RELN: variants seen among roughly 807,000 people sequenced by gnomAD.
RELN encodes reelin.
RELN carries 108 observed loss-of-function variants against 427.6 expected under a neutral mutation model. The observed-to-expected ratio is 0.25, with a 90% CI of 0.22 to 0.30. The LOEUF (loss-of-function observed/expected upper bound fraction) is 0.30, where lower values mean the gene tolerates loss of function less well. RELN is among the 10% of genes least tolerant of loss of function. The probability of loss-of-function intolerance (pLI) is 1.00; values close to 1 mark genes in which losing one functional copy is unlikely to be tolerated. For missense variants in RELN, 3,715 were observed against 4,302.8 expected (o/e 0.86, Z 3.82); for synonymous variants, 1,524 against 1,513.4 (o/e 1.01, Z -0.16).
intron 2 of RELN, among the ~76,000 whole-genome samples, chr7:103,877,923 T>G (rs150916801): frequency 6.7e-6 from 1 of 150,020 alleles, no homozygotes; most frequent in African/African-American, 2.5e-5. Context: ...TGGTACAATC[T>G]TGGCTCACTG....
intron 2 of RELN, among the ~76,000 whole-genome samples, chr7:103,906,014 T>C (rs1432577159): frequency 6.6e-6 from 1 of 152,126 alleles, no homozygotes; most frequent in Non-Finnish European, 1.5e-5. Context: ...AGTAGACGTT[T>C]AAAAGAGCTG....
chr7:103,679,804 A>G (rs1454695920), intron 11 of RELN, among the ~76,000 whole-genome samples: 1 of 152,140 alleles, frequency 6.6e-6, no homozygotes, highest in Non-Finnish European at 1.5e-5. Flanking sequence ...ATTGGAATAT[A>G]TAATTTTTGC....
At chr7:103,608,951 G>A (rs1250002929) in intron 22 of RELN, among the ~76,000 whole-genome samples, 3 of 152,080 alleles carry the variant, frequency 2.0e-5, no homozygotes, top group Admixed American at 6.5e-5. Context: ...GGCTAGGCGC[G>A]GTGGGTCATG....
At chr7:103,539,710 T>G (rs1357600410) in intron 44 of RELN, among the ~76,000 whole-genome samples, 2 of 152,230 alleles carry the variant, frequency 1.3e-5, no homozygotes, top group African/African-American at 4.8e-5. Flanking sequence ...TTGCATGAAC[T>G]CTACGGTTTG....
chr7:103,833,157 A>G lies in RELN; in HGVS notation c.473+380T>C, dbSNP rs192713651. Among the ~76,000 whole-genome samples, 702 of 152,210 alleles carry G rather than the reference A, an allele frequency of 4.6e-3. 6 individuals carry two copies. The highest frequency in any genetic ancestry group is 0.016 in the African/African-American group (676 of 41,540). ...TTAGCAATTTTGAGATATGCAATAC[A>G]TTAACTATAGTCACCATGCTGTGCA... On this transcript the variant is annotated intron_variant, in intron 3 of 64. Coordinates refer to ENST00000428762, the MANE Select transcript of RELN (RefSeq NM_005045.4).
chr7:103,514,964 T>C (rs1253998397), intron 50 of RELN, among the ~76,000 whole-genome samples: 1 of 152,076 alleles, frequency 6.6e-6, no homozygotes, highest in African/African-American at 2.4e-5. Flanking sequence ...AATTATAGAT[T>C]GCTATATATA....
chr7:103,770,785 A>T (rs1234828206), intron 4 of RELN, among the ~76,000 whole-genome samples: 1 of 152,028 alleles, frequency 6.6e-6, no homozygotes, highest in Non-Finnish European at 1.5e-5. Flanking sequence ...ATGTCACAGT[A>T]ATCTGTCTTC....
chr7:103,867,803 G>T (rs916414650), intron 2 of RELN, among the ~76,000 whole-genome samples: 1 of 151,834 alleles, frequency 6.6e-6, no homozygotes, highest in Admixed American at 6.6e-5. Flanking sequence ...TTACAGAATA[G>T]TAAGAGAGAA....
At chr7:103,982,003 G>C (rs546420356) in intron 1 of RELN, among the ~76,000 whole-genome samples, 17 of 152,122 alleles carry the variant, frequency 1.1e-4, no homozygotes, top group African/African-American at 3.9e-4. Context: ...CCTGTCTCTA[G>C]TAAAAACACA....
At chr7:103,579,900 T>C (rs1248457619) in intron 28 of RELN, among the ~76,000 whole-genome samples, 1 of 152,190 alleles carries the variant, frequency 6.6e-6, no homozygotes. Flanking sequence ...AAGCAACTTT[T>C]TTCTAGTCCT....
intron 2 of RELN, among the ~76,000 whole-genome samples, chr7:103,838,515 T>C (rs1356644599): frequency 6.6e-6 from 1 of 152,114 alleles, no homozygotes; most frequent in Non-Finnish European, 1.5e-5. Context: ...AATCACAAGG[T>C]TGGGGAGAAT....
intron 1 of RELN, among the ~76,000 whole-genome samples, chr7:103,975,579 G>A (rs910556909): frequency 9.5e-5 from 14 of 146,672 alleles, no homozygotes; most frequent in Admixed American, 6.8e-5. Context: ...ACGGAGTCTC[G>A]CTCTGTCGCC....
At chr7:103,880,405 A>C (rs1343307321) in intron 2 of RELN, among the ~76,000 whole-genome samples, 2 of 152,166 alleles carry the variant, frequency 1.3e-5, no homozygotes, top group Non-Finnish European at 2.9e-5. Flanking sequence ...ACCATTATAA[A>C]GCTGCTATTT....
Position 103,500,942 on chromosome 7 carries a change from A to G in RELN, c.8490-20T>C, listed in dbSNP as rs1446245503. The G allele has an allele frequency of 1.2e-6, 2 of 1,613,226 alleles. No individual in the cohort carries two copies. The highest frequency in any genetic ancestry group is 8.5e-7 in the Non-Finnish European group (1 of 1,179,346). On this transcript the variant is annotated intron_variant, in intron 52 of 64. Transcript: ENST00000428762. ...ACCGGACTATTGACAATGCAAAAGC[A>G]AAGGAGTGAAAAACAAAAGTTAACT...
intron 9 of RELN, among the ~76,000 whole-genome samples, chr7:103,699,837 A>C (rs916540394): frequency 6.6e-6 from 1 of 152,150 alleles, no homozygotes; most frequent in Non-Finnish European, 1.5e-5. Flanking sequence ...ATGCCTATAC[A>C]TTACATTTTG....
intron 18 of RELN, 26 bp from the exon 19 acceptor site, chr7:103,635,612 T>C: frequency 6.3e-7 from 1 of 1,591,206 alleles, no homozygotes; most frequent in Non-Finnish European, 8.6e-7. Flanking sequence ...CTATAATTAG[T>C]GTATGCATAA....
intron 53 of RELN, among the ~76,000 whole-genome samples, chr7:103,498,796 T>G (rs1828925250): frequency 6.7e-6 from 1 of 150,194 alleles, no homozygotes; most frequent in South Asian, 2.1e-4. Context: ...CTGGCCATAT[T>G]ATAGTAACAC....
chr7:103,576,092 G>A (rs977796298), intron 28 of RELN, among the ~76,000 whole-genome samples: 2 of 152,186 alleles, frequency 1.3e-5, no homozygotes, highest in Admixed American at 6.5e-5. Flanking sequence ...GTAGCCGGGC[G>A]TGGTGGCACG....
intron 2 of RELN, among the ~76,000 whole-genome samples, chr7:103,837,250 T>C (rs989481084): frequency 6.6e-6 from 1 of 152,206 alleles, no homozygotes; most frequent in African/African-American, 2.4e-5. Context: ...AAGGCATACA[T>C]GATCATGTCA....
Sources: gnomAD v4.1 joint callset for allele counts (sites outside exome capture counted in the v4.1 genomes callset) on GRCh38, gnomAD v4.1.1 for gene constraint, MANE v1.5 for transcripts, NCBI Gene and HGNC (gene_info 2026-07-23, HGNC 2026-07-21) for gene names.